The following DMXL1 variants were observed in gnomAD, a reference collection of about 807,000 sequenced individuals.
DMXL1 encodes the protein dmX-like protein 1.
Under a neutral mutation model 319.2 loss-of-function variants are expected in DMXL1, and 99 were observed. The ratio of observed to expected loss-of-function variants is 0.31; its 90% confidence interval spans 0.26 to 0.37. The LOEUF (loss-of-function observed/expected upper bound fraction) is 0.37. Ranked by LOEUF, DMXL1 falls within the 10% of genes least tolerant of loss-of-function variation. DMXL1 has a pLI of 1.00. For missense variants in DMXL1, 3,745 were observed against 3,595.6 expected, an observed-to-expected ratio of 1.04 and a Z score of -1.06; for synonymous variants, 1,385 against 1,235.2, an observed-to-expected ratio of 1.12 and a Z score of -2.54.
In DMXL1 at chr5:119,148,777, G is replaced by A. The variant is rs1392920811; in HGVS notation, c.2950G>A (p.Ala984Thr). The A allele has an allele frequency of 6.2e-7, 1 of 1,613,368 alleles. No homozygotes were observed. The change falls in exon 18 of 44, where the codon GCT (alanine) becomes ACT (threonine). Residue 984 changes from alanine to threonine, a missense_variant. Physicochemically the swap from Ala to Thr is moderately conservative, Grantham distance 58. Transcript: ENST00000539542. ...SSSSIYPACS[A>T]PYLLATSCSD... ...ATCTTCTATATATCCTGCATGCAGT[G>A]CTCCTTATTTATTGGCAACTTCATG...
rs746669455 is a variant in DMXL1, at chr5:119,178,032, G to A, written c.6923G>A (p.Gly2308Asp). Residue 2308 changes from glycine to aspartate, a missense_variant, in exon 28 of 44, where the codon GGC becomes GAC. Gly to Asp is a moderately conservative substitution (Grantham distance 94). This residue lies in a region of DMXL1 where 1,382 missense variants were observed against 1,269.5 expected (regional missense o/e 1.09). Coordinates refer to ENST00000539542, the MANE Select transcript of DMXL1 (RefSeq NM_001290321.3). Reference protein sequence around the residue: ...TCLIRLLNSSGEEAQSGLTVL... With the variant: ...TCLIRLLNSSDEEAQSGLTVL... Reference sequence around the variant, plus strand: ...CTAATTCGACTTTTGAATTCTTCTGGCGAGGAAGCCCAGTCAGGGCTTACA... The same window carrying A: ...CTAATTCGACTTTTGAATTCTTCTGACGAGGAAGCCCAGTCAGGGCTTACA... The A allele has an allele frequency of 2.5e-6, 4 of 1,609,700 alleles. No homozygotes were observed. Among genetic ancestry groups the A allele is most frequent in the Non-Finnish European group, 3.4e-6 (4 of 1,177,632 alleles).
At chr5:119,169,386 C>T (rs1774099734) in intron 23 of DMXL1, among the ~76,000 whole-genome samples, 2 of 152,110 alleles carry the variant, frequency 1.3e-5, no homozygotes, top group Admixed American at 1.3e-4. Context: ...AGATTGATTA[C>T]ATAGGACTGG....
intron 42 of DMXL1, among the ~76,000 whole-genome samples, chr5:119,243,455 G>C (rs1236258177): frequency 6.6e-6 from 1 of 152,008 alleles, no homozygotes; most frequent in Non-Finnish European, 1.5e-5. Context: ...TCTAACTCCA[G>C]AATCCTCACT....
At chr5:119,117,838 G>T (rs894231485) in intron 7 of DMXL1, among the ~76,000 whole-genome samples, 2 of 152,138 alleles carry the variant, frequency 1.3e-5, no homozygotes, top group African/African-American at 4.8e-5. Context: ...AGTCAGTTAG[G>T]TAAGTTTAAC....
chr5:119,207,730 C>T (rs1450577124), intron 34 of DMXL1, among the ~76,000 whole-genome samples: 1 of 152,118 alleles, frequency 6.6e-6, no homozygotes, highest in African/African-American at 2.4e-5. Context: ...CCATGTTGGC[C>T]AGGCTGATGT....
At chr5:119,086,213 CT>C (rs1753327870) in intron 1 of DMXL1, among the ~76,000 whole-genome samples, 2 of 152,154 alleles carry the variant, frequency 1.3e-5, no homozygotes, top group African/African-American at 2.4e-5. Flanking sequence ...TCTCGTGAGA[CT>C]TATTCACTAC....
intron 34 of DMXL1, among the ~76,000 whole-genome samples, chr5:119,213,822 T>C (rs1195694240): frequency 6.6e-6 from 1 of 152,238 alleles, no homozygotes; most frequent in Non-Finnish European, 1.5e-5. Context: ...AGTAGTCAAT[T>C]ATCTATCTTC....
rs1373983028 is a variant in DMXL1, at chr5:119,248,683, T to G, written c.*1464T>G. ...GAATTTTGTAATATCCTCAGGATACTTTTATCTTAAAAGTATGTTGTTAAA... is the reference window on the plus strand; with the variant it reads ...GAATTTTGTAATATCCTCAGGATACGTTTATCTTAAAAGTATGTTGTTAAA... On this transcript the variant is annotated 3_prime_UTR_variant, in exon 44 of 44. Transcript: ENST00000539542. The G allele has an allele frequency of 6.6e-6, 1 of 152,476 alleles. No individual in the cohort carries two copies. The highest frequency in any genetic ancestry group is 1.5e-5 in the Non-Finnish European group (1 of 67,916). 9.4% of individuals were successfully genotyped at this position (152,476 alleles called of 1,614,324 possible). A position where few individuals can be genotyped will look rare whatever the true frequency, so the allele number is the denominator to read the frequency against.
intron 5 of DMXL1, among the ~76,000 whole-genome samples, chr5:119,113,782 G>GA (rs1230250375): frequency 6.6e-6 from 1 of 151,722 alleles, no homozygotes; most frequent in African/African-American, 2.4e-5. Flanking sequence ...CTTAAAATCA[G>GA]AAAAAAAAGT....
chr5:119,107,500 T>C (rs1165889831), intron 4 of DMXL1, among the ~76,000 whole-genome samples: 1 of 152,238 alleles, frequency 6.6e-6, no homozygotes, highest in East Asian at 1.9e-4. Flanking sequence ...TTATGCTTTT[T>C]TCCTGCTTTA....
chr5:119,247,805 C>CGTGTGTGT lies in DMXL1; in HGVS notation c.*603_*610dup, dbSNP rs141470513. On this transcript the variant is annotated 3_prime_UTR_variant, in exon 44 of 44. Transcript: ENST00000539542. ...GGAACCCAAGTTGTATGTATGTATA[C>CGTGTGTGT]GTGTGTGTGTGTGTGTGTGTGTGTA... The CGTGTGTGT allele has an allele frequency of 2.0e-5, 3 of 148,268 alleles. No individual in the cohort carries two copies. Among genetic ancestry groups the CGTGTGTGT allele is most frequent in the African/African-American group, 4.9e-5 (2 of 40,490 alleles). The allele number at this position is 148,268 out of a possible 1,614,324, so 9.2% of individuals were successfully genotyped here.
At chr5:119,220,660 A>T (rs995869039) in intron 36 of DMXL1, 67 bp downstream of exon 36, 50 of 1,547,878 alleles carry the variant, frequency 3.2e-5, no homozygotes, top group Admixed American at 2.7e-4. Flanking sequence ...CTGAACTAAA[A>T]CTTTCAAAAG....
chr5:119,207,540 A>G (rs1173487042), intron 34 of DMXL1, among the ~76,000 whole-genome samples: 1 of 152,132 alleles, frequency 6.6e-6, no homozygotes, highest in Non-Finnish European at 1.5e-5. Context: ...TATTTTTGAG[A>G]CGGAGTTTCG....
At chr5:119,205,646 A>G (rs187037953) in intron 33 of DMXL1, among the ~76,000 whole-genome samples, 1 of 152,146 alleles carries the variant, frequency 6.6e-6, no homozygotes, top group Admixed American at 6.5e-5. Context: ...GTTTGTTGTT[A>G]TTGCTTTGTT....
intron 35 of DMXL1, among the ~76,000 whole-genome samples, chr5:119,218,213 C>CA (rs1006038113): frequency 3.3e-5 from 5 of 150,534 alleles, no homozygotes; most frequent in Admixed American, 6.6e-5. Flanking sequence ...CCTGTCTCTA[C>CA]AAAAAAAAAT....
chr5:119,124,296 T>A (rs868680721), intron 9 of DMXL1, among the ~76,000 whole-genome samples: 27 of 142,140 alleles, frequency 1.9e-4, no homozygotes, highest in Middle Eastern at 3.7e-3. Context: ...GCTTCCTGGG[T>A]GGCAGAGCGA....
chr5:119,209,593 C>T (rs538666982), intron 34 of DMXL1, among the ~76,000 whole-genome samples: 46 of 152,118 alleles, frequency 3.0e-4, no homozygotes, highest in African/African-American at 1.1e-3. Flanking sequence ...AGCAGTCTTC[C>T]CACCTCAGCC....
rs759517316 is a variant in DMXL1 at position 119,110,196 on chromosome 5, A to G, written c.410A>G (p.Asn137Ser). 3.1e-6 allele frequency: 5 copies of G among 1,593,878 alleles called. No individual in the cohort carries two copies. Among genetic ancestry groups the G allele is most frequent in the South Asian group, 1.2e-5 (1 of 86,422 alleles). The change falls in exon 5 of 44, where the codon AAT becomes AGT. Residue 137 changes from asparagine (N) to serine (S), a missense_variant. Physicochemically the swap from Asn to Ser is conservative, Grantham distance 46 (BLOSUM62 1). Transcript: ENST00000539542. ...TGSSYLQLWS[N>S]TNLEKPTEDE... ...TCCAGCTATTTGCAACTCTGGTCCA[A>G]TACTAACTTGGAGAAGCCAACTGAA...
At chr5:119,227,333 A>G (rs374258440) in intron 38 of DMXL1, among the ~76,000 whole-genome samples, 3 of 152,102 alleles carry the variant, frequency 2.0e-5, no homozygotes, top group East Asian at 1.9e-4. Context: ...GATAGGTTCT[A>G]TATAAGCCTA....
Sources: allele counts gnomAD v4.1 joint callset (sites outside exome capture counted in the v4.1 genomes callset), GRCh38; gene constraint gnomAD v4.1.1; regional missense constraint gnomAD v4.1.1; transcripts MANE v1.5; gene names NCBI Gene and HGNC (gene_info 2026-07-23, HGNC 2026-07-21).